The following NXPH1 variants were observed in gnomAD, a reference collection of about 807,000 sequenced individuals.
NXPH1 encodes neurexophilin-1.
A neutral mutation model predicts 23.7 loss-of-function variants in NXPH1; 5 were observed. The observed-to-expected ratio is 0.21, with a 90% CI of 0.11 to 0.44. The LOEUF (loss-of-function observed/expected upper bound fraction) is 0.44. Among genes scored for constraint, NXPH1 ranks in the 20% least tolerant of loss-of-function variants. The pLI, the probability that NXPH1 is intolerant of heterozygous loss-of-function variation, is 0.99. For missense variants in NXPH1, 324 were observed against 321.6 expected, an observed-to-expected ratio of 1.01 and a Z score of -0.06; for synonymous variants, 144 against 122.2, an observed-to-expected ratio of 1.18 and a Z score of -1.18.
rs1816408685 is a variant in NXPH1 at position 8,446,618 on chromosome 7, G to T, written c.54+10851G>T. On this transcript the variant is annotated intron_variant, in intron 2 of 2. Coordinates refer to ENST00000405863, the MANE Select transcript of NXPH1 (RefSeq NM_152745.3). ...AATCATTAAAACCAAATCTCTTCCT[G>T]TTTTCCACAGGCACAATTTGAGGTC... 3.3e-5 allele frequency among the ~76,000 whole-genome samples: 5 copies of T among 152,046 alleles called. No individual in the cohort carries two copies. The South Asian group carries it at 1.0e-3, about 32-fold the overall frequency.
intron 2 of NXPH1, among the ~76,000 whole-genome samples, chr7:8,669,550 G>C (rs886904122): frequency 1.3e-5 from 2 of 152,180 alleles, no homozygotes; most frequent in Admixed American, 1.3e-4. Context: ...GAGCATGTGG[G>C]CTTGCCCAGC....
chr7:8,433,750 C>T lies in NXPH1; in HGVS notation c.-1116C>T, dbSNP rs75744854. Among the ~76,000 whole-genome samples the T allele has an allele frequency of 0.05, 7,645 of 152,078 alleles. 246 individuals are homozygous for T. The highest frequency in any genetic ancestry group is 0.076 in the South Asian group (364 of 4,814). On this transcript the variant is annotated 5_prime_UTR_variant, in exon 1 of 3. Transcript: ENST00000405863. The surrounding 1 kb of genome is among the most constrained non-coding windows in gnomAD (Gnocchi z 6.8). Reference sequence around the variant, plus strand: ...CTGCACCCTCCCGCGCCCTTCCCCGCCCTACGCGACTCCCGGCTGCTCTTC... The same window carrying T: ...CTGCACCCTCCCGCGCCCTTCCCCGTCCTACGCGACTCCCGGCTGCTCTTC...
chr7:8,617,061 G>C (rs904488897), intron 2 of NXPH1, among the ~76,000 whole-genome samples: 2 of 152,018 alleles, frequency 1.3e-5, no homozygotes, highest in African/African-American at 2.4e-5. Context: ...ACAATGTTTG[G>C]AAATACTTTT....
chr7:8,672,459 T>C (rs558195086), intron 2 of NXPH1, among the ~76,000 whole-genome samples: 1 of 151,426 alleles, frequency 6.6e-6, no homozygotes, highest in African/African-American at 2.4e-5. Context: ...ACCCTAAAAC[T>C]TAAAGTATAA....
chr7:8,662,548 T>C (rs1031788453), intron 2 of NXPH1, among the ~76,000 whole-genome samples: 5 of 152,098 alleles, frequency 3.3e-5, no homozygotes, highest in African/African-American at 1.2e-4. Flanking sequence ...TATTTTACTT[T>C]TATGTAGGTA....
At position 8,435,891 on chromosome 7, in the gene NXPH1, T is replaced by A; in HGVS notation, c.54+124T>A. On this transcript the variant is annotated intron_variant, in intron 2 of 2. Transcript: ENST00000405863. The surrounding 1 kb of genome is among the most constrained non-coding windows in gnomAD (Gnocchi z 5.9). Reference sequence around the variant, plus strand: ...GAGAGCAGCTTCCTAGCAGCTGTGTTGGAGCAACTTTGGCAAGCTGGTCTC... The same window carrying A: ...GAGAGCAGCTTCCTAGCAGCTGTGTAGGAGCAACTTTGGCAAGCTGGTCTC... 1.1e-6 allele frequency: 1 copy of A among 923,440 alleles called. No homozygotes were observed. The highest frequency in any genetic ancestry group is 1.8e-6 in the Non-Finnish European group (1 of 559,208). 57.2% of individuals were successfully genotyped at this position (923,440 alleles called of 1,614,324 possible). A position where few individuals can be genotyped will look rare whatever the true frequency, so the allele number is the denominator to read the frequency against.
Position 8,637,673 on chromosome 7 carries a change from T to A in NXPH1, c.55-113335T>A, listed in dbSNP as rs540471902. 1.0e-3 allele frequency among the ~76,000 whole-genome samples: 156 copies of A among 152,318 alleles called. No individual in the cohort carries two copies. In the South Asian group the frequency reaches 0.011, roughly 11 times the overall value. On this transcript the variant is annotated intron_variant, in intron 2 of 2. Coordinates refer to ENST00000405863, the MANE Select transcript of NXPH1 (RefSeq NM_152745.3). ...ATTTTTGTTTTGATTCAGAAATAAA[T>A]TTTAGGCTTTGAGCTACTTTGGCCT...
intron 2 of NXPH1, among the ~76,000 whole-genome samples, chr7:8,601,772 T>A (rs1391162960): frequency 6.6e-6 from 1 of 152,182 alleles, no homozygotes; most frequent in Non-Finnish European, 1.5e-5. Flanking sequence ...CTTCCCAGAT[T>A]TGTGATCCAA....
intron 2 of NXPH1, among the ~76,000 whole-genome samples, chr7:8,459,841 T>G (rs1816662632): frequency 6.6e-6 from 1 of 152,188 alleles, no homozygotes; most frequent in African/African-American, 2.4e-5. Context: ...CAATAAATAT[T>G]TGTTGCACGA....
chr7:8,454,632 G>T (rs753768336), intron 2 of NXPH1, among the ~76,000 whole-genome samples: 24 of 152,066 alleles, frequency 1.6e-4, no homozygotes, highest in Non-Finnish European at 3.1e-4. Flanking sequence ...CCTCCTCTAT[G>T]ATATACTCAA....
chr7:8,439,074 C>T (rs1244682801), intron 2 of NXPH1, among the ~76,000 whole-genome samples: 2 of 151,928 alleles, frequency 1.3e-5, no homozygotes. Flanking sequence ...GATTTAAAAG[C>T]CTGAATTCAA....
intron 2 of NXPH1, among the ~76,000 whole-genome samples, chr7:8,640,635 A>G (rs1362599370): frequency 6.6e-6 from 1 of 152,140 alleles, no homozygotes; most frequent in Non-Finnish European, 1.5e-5. Flanking sequence ...TCTTTTAGAT[A>G]AAATTTAAAA....
chr7:8,697,035 G>A (rs755384249), intron 2 of NXPH1, among the ~76,000 whole-genome samples: 15 of 151,322 alleles, frequency 9.9e-5, no homozygotes, highest in Non-Finnish European at 1.2e-4. Flanking sequence ...GTGGGCGCCT[G>A]TGATCCCAGC....
At chr7:8,653,126 T>TC (rs1820517272) in intron 2 of NXPH1, among the ~76,000 whole-genome samples, 2 of 152,198 alleles carry the variant, frequency 1.3e-5, no homozygotes, top group East Asian at 3.8e-4. Context: ...GCTTTTTTTT[T>TC]CAAGGCTTTG....
intron 2 of NXPH1, among the ~76,000 whole-genome samples, chr7:8,705,321 C>T (rs57182578): frequency 0.4 from 61,110 of 151,990 alleles, 12,430 homozygotes; most frequent in East Asian, 0.59. Flanking sequence ...CACACTCAAA[C>T]GGCAACTGTC....
At chr7:8,532,952 A>C (rs1469326352) in intron 2 of NXPH1, among the ~76,000 whole-genome samples, 1 of 152,076 alleles carries the variant, frequency 6.6e-6, no homozygotes, top group Non-Finnish European at 1.5e-5. Flanking sequence ...ATAGTGTACT[A>C]TTGCCACTGC....
intron 2 of NXPH1, among the ~76,000 whole-genome samples, chr7:8,700,164 T>G (rs971188988): frequency 2.6e-5 from 4 of 152,134 alleles, no homozygotes; most frequent in African/African-American, 9.7e-5. Context: ...CAAATTGAAT[T>G]GTAAACTCTT....
At chr7:8,631,655 A>G (rs1409230463) in intron 2 of NXPH1, among the ~76,000 whole-genome samples, 1 of 152,174 alleles carries the variant, frequency 6.6e-6, no homozygotes, top group African/African-American at 2.4e-5. Flanking sequence ...TATGTCCACG[A>G]AATGACCACT....
chr7:8,433,711 C>T lies in NXPH1; in HGVS notation c.-1155C>T, dbSNP rs1419988251. 6.6e-6 allele frequency among the ~76,000 whole-genome samples: 1 copy of T among 152,078 alleles called. No individual in the cohort carries two copies. The highest frequency in any genetic ancestry group is 1.5e-5 in the Non-Finnish European group (1 of 67,978). ...AGGCGCCCGGCGTCGGCGCTCGAGG[C>T]CGGCAGGGGCGCCCTGCACCCTCCC... On this transcript the variant is annotated 5_prime_UTR_variant, in exon 1 of 3. Transcript: ENST00000405863. The surrounding 1 kb of genome is among the most constrained non-coding windows in gnomAD (Gnocchi z 6.8).
Sources: allele counts gnomAD v4.1 joint callset (sites outside exome capture counted in the v4.1 genomes callset), GRCh38; gene constraint gnomAD v4.1.1; non-coding constraint Gnocchi (gnomAD v3.1); transcripts MANE v1.5; gene names NCBI Gene and HGNC (gene_info 2026-07-23, HGNC 2026-07-21).